Variants in BRD1 observed in about 807,000 individuals in gnomAD.
The protein encoded by BRD1 is bromodomain containing 1.
In BRD1, 24 loss-of-function variants were observed where a neutral mutation model predicts 107.7. That is an observed-to-expected ratio of 0.22 (90% CI 0.16 to 0.31). The LOEUF is 0.31. Among genes scored for constraint, BRD1 ranks in the 10% least tolerant of loss-of-function variants. The pLI is 1.00. For missense variants in BRD1, 1,279 were observed against 1,638.6 expected, an observed-to-expected ratio of 0.78 and a Z score of 3.79; for synonymous variants, 744 against 686.1, an observed-to-expected ratio of 1.08 and a Z score of -1.32.
intron 8 of BRD1, among the ~76,000 whole-genome samples, chr22:49,785,390 G>C (rs772792586): frequency 6.6e-6 from 1 of 152,242 alleles, no homozygotes; most frequent in East Asian, 1.9e-4. Context: ...GTGAAACCCC[G>C]AGGAAGTGGA....
At position 49,777,260 on chromosome 22, in the gene BRD1, C is replaced by T. The variant is rs527458938; in HGVS notation, c.2994-99G>A. ...GCTGTCCGCCACCAAGCTGGCCACGCATCCTGCCTGACACCCCCGCGGCCA... is the reference window on the plus strand; with the variant it reads ...GCTGTCCGCCACCAAGCTGGCCACGTATCCTGCCTGACACCCCCGCGGCCA... On this transcript the variant is annotated intron_variant, in intron 9 of 12. Coordinates refer to ENST00000404760, the MANE Select transcript of BRD1 (RefSeq NM_001304808.3). The T allele has an allele frequency of 1.9e-6, 3 of 1,552,678 alleles. No homozygotes were observed. In the South Asian group the frequency reaches 3.5e-5, roughly 18 times the overall value.
chr22:49,787,258 C>T (rs1381654645), intron 8 of BRD1, 132 bp downstream of exon 8: 21 of 1,250,376 alleles, frequency 1.7e-5, no homozygotes, highest in Non-Finnish European at 2.3e-5. Context: ...CTGTTGTCTT[C>T]TCTGGAAATT....
chr22:49,775,824 C>CCCCCCCCCCCCCCTGTGTGA, intron 11 of BRD1, 79 bp from the exon 12 acceptor site: 2 of 1,281,046 alleles, frequency 1.6e-6, no homozygotes, highest in South Asian at 3.5e-5. Flanking sequence ...CACCCCCCCC[C>CCCCCCCCCCCCCCTGTGTGA]GCCTCCCCAC....
intron 1 of BRD1, among the ~76,000 whole-genome samples, chr22:49,826,416 GC>G (rs2060149451): frequency 6.6e-6 from 1 of 152,246 alleles, no homozygotes; most frequent in South Asian, 2.1e-4. Context: ...TCCCCCCTGG[GC>G]CGGTTCTGTC....
intron 10 of BRD1, among the ~76,000 whole-genome samples, 193 bp downstream of exon 10, chr22:49,776,841 C>T (rs992419814): frequency 2.6e-5 from 4 of 152,260 alleles, no homozygotes; most frequent in African/African-American, 4.8e-5. Context: ...GCGCCACCTC[C>T]GCAGGCACCC....
At chr22:49,822,646 G>A (rs1046451304) in intron 2 of BRD1, among the ~76,000 whole-genome samples, 7 of 151,984 alleles carry the variant, frequency 4.6e-5, no homozygotes, top group Non-Finnish European at 8.8e-5. Context: ...GGAGGCGGGG[G>A]TTGCAGTGAG....
chr22:49,824,313 C>T lies in BRD1; in HGVS notation c.5G>A (p.Arg2Lys). ...GCCTCGATGACATCGTCCTTTCCTCCTCATTTGGTAATGATTACCTAAAAT... is the reference window on the plus strand; with the variant it reads ...GCCTCGATGACATCGTCCTTTCCTCTTCATTTGGTAATGATTACCTAAAAT... M[R>K]RKGRCHRGSA... is the part of the protein sequence containing the mutation. The change falls in exon 2 of 13, where the codon AGG becomes AAG. Residue 2 changes from arginine to lysine, a missense_variant. Arg to Lys is a conservative substitution (Grantham distance 26). Coordinates refer to ENST00000404760, the MANE Select transcript of BRD1 (RefSeq NM_001304808.3). The surrounding 1 kb of genome is among the most constrained non-coding windows in gnomAD (Gnocchi z 5.9). 3 of 1,611,898 alleles carry T rather than the reference C, an allele frequency of 1.9e-6. No homozygotes were observed. The highest frequency in any genetic ancestry group is 2.2e-5 in the South Asian group (2 of 91,024).
At chr22:49,793,522 G>A (rs2059472829) in intron 7 of BRD1, among the ~76,000 whole-genome samples, 1 of 152,206 alleles carries the variant, frequency 6.6e-6, no homozygotes, top group Non-Finnish European at 1.5e-5. Context: ...GGCAGACAAG[G>A]CCTCTGCAGG....
chr22:49,817,155 C>G (rs939208224), intron 2 of BRD1: 2 of 152,728 alleles, frequency 1.3e-5, no homozygotes, highest in Non-Finnish European at 2.9e-5. Flanking sequence ...CCTGACCTCA[C>G]AGTGCCTCAA....
rs975250279 is a variant in BRD1 at position 49,784,809 on chromosome 22, C to T, written c.2857+2581G>A. Among the ~76,000 whole-genome samples, 24 of 152,350 alleles carry T rather than the reference C, an allele frequency of 1.6e-4. 1 individual carries two copies. In the South Asian group the frequency reaches 2.1e-3, roughly 13 times the overall value. On this transcript the variant is annotated intron_variant, in intron 8 of 12. Transcript: ENST00000404760. ...GGCGGGACTGGCACCATTCAGAGCACGCCCAGCCCTTCCCCGGGCGCCTCG... is the reference window on the plus strand; with the variant it reads ...GGCGGGACTGGCACCATTCAGAGCATGCCCAGCCCTTCCCCGGGCGCCTCG...
At chr22:49,775,872 CCCCTCGCCG>C in intron 11 of BRD1, 127 bp from the exon 12 acceptor site, 8 of 1,212,172 alleles carry the variant, frequency 6.6e-6, no homozygotes, top group Non-Finnish European at 9.0e-6. Flanking sequence ...CCCCCACGCC[CCCCTCGCCG>C]AACCACCCCT....
chr22:49,819,658 C>T (rs919889210), intron 2 of BRD1, among the ~76,000 whole-genome samples: 10 of 151,724 alleles, frequency 6.6e-5, no homozygotes, highest in Non-Finnish European at 1.5e-4. Context: ...ACCATGTTAG[C>T]CAGGCTGGTC....
chr22:49,794,183 C>A lies in BRD1; in HGVS notation c.2210G>T (p.Arg737Leu), dbSNP rs775920438. 1 of 1,614,172 alleles carries A rather than the reference C, an allele frequency of 6.2e-7. No individual in the cohort carries two copies. Residue 737 changes from arginine (R) to leucine (L), a missense_variant, in exon 7 of 13, where the codon CGG (arginine) becomes CTG (leucine). Coordinates refer to ENST00000404760, the MANE Select transcript of BRD1 (RefSeq NM_001304808.3). ...TTTGAGCAGCTTTGCCCGCTTGCTC[C>A]GGGAGCCGCTGGACTTCATAGCGCA... The part of the protein sequence containing the change: ...LTCAMKSSGS[R>L]SKRAKLLKKE...
chr22:49,786,735 T>C (rs1263880775), intron 8 of BRD1, among the ~76,000 whole-genome samples: 2 of 152,086 alleles, frequency 1.3e-5, no homozygotes, highest in Non-Finnish European at 2.9e-5. Context: ...GAGCGGCCAG[T>C]CACCAGCTTA....
intron 8 of BRD1, among the ~76,000 whole-genome samples, chr22:49,780,465 G>A (rs73892870): frequency 6.6e-6 from 1 of 152,266 alleles, no homozygotes; most frequent in African/African-American, 2.4e-5. Flanking sequence ...CACCCAGCAG[G>A]AGGCCTGGCG....
intron 8 of BRD1, among the ~76,000 whole-genome samples, chr22:49,786,442 G>A (rs1423976020): frequency 1.3e-5 from 2 of 152,200 alleles, no homozygotes; most frequent in Non-Finnish European, 2.9e-5. Context: ...CCCTCACCGA[G>A]GAATTCAACA....
rs372728470 is a variant in BRD1 at position 49,816,624 on chromosome 22, C to T, written c.1367+6327G>A. On this transcript the variant is annotated intron_variant, in intron 2 of 12. Coordinates refer to ENST00000404760, the MANE Select transcript of BRD1 (RefSeq NM_001304808.3). ...ACTACAGACTAAGGCTGGGGCTGGG[C>T]GAGGTGGCTCACACCTGTAATCTCA... Among the ~76,000 whole-genome samples, 5 of 152,236 alleles carry T rather than the reference C, an allele frequency of 3.3e-5. No homozygotes were observed. In the East Asian group the frequency reaches 7.7e-4, roughly 24 times the overall value.
At chr22:49,785,478 ACAGC>A (rs1281494918) in intron 8 of BRD1, among the ~76,000 whole-genome samples, 1 of 152,246 alleles carries the variant, frequency 6.6e-6, no homozygotes, top group East Asian at 1.9e-4. Context: ...TACCCAGTGC[ACAGC>A]ACCCTGACCC....
At chr22:49,790,120 G>A (rs1008446092) in intron 7 of BRD1, among the ~76,000 whole-genome samples, 1 of 152,214 alleles carries the variant, frequency 6.6e-6, no homozygotes, top group East Asian at 1.9e-4. Context: ...CAGGAACAGA[G>A]GTCGCTGTCG....
Sources: gnomAD v4.1 joint callset for allele counts (sites outside exome capture counted in the v4.1 genomes callset) on GRCh38, gnomAD v4.1.1 for gene constraint, Gnocchi (gnomAD v3.1) non-coding constraint, MANE v1.5 for transcripts, NCBI Gene and HGNC (gene_info 2026-07-23, HGNC 2026-07-21) for gene names.